Variants in SAMSN1 observed in about 807,000 individuals in gnomAD.
SAMSN1 encodes SAM domain, SH3 domain and nuclear localization signals 1.
SAMSN1 carries 31 observed loss-of-function variants against 42.0 expected under a neutral mutation model. That is an observed-to-expected ratio of 0.74 (90% CI 0.55 to 1.00). The LOEUF (loss-of-function observed/expected upper bound fraction) is 1.00, where lower values mean the gene tolerates loss of function less well. SAMSN1 is among the 50% of genes least tolerant of loss of function. The pLI, the probability that SAMSN1 is intolerant of heterozygous loss-of-function variation, is 0.00. For synonymous variants in SAMSN1, 178 were observed against 151.9 expected (o/e 1.17, Z -1.26); for missense variants, 464 against 439.4 (o/e 1.06, Z -0.50).
intron 6 of SAMSN1, among the ~76,000 whole-genome samples, chr21:14,595,359 A>G (rs1982227923): frequency 6.6e-6 from 1 of 152,116 alleles, no homozygotes; most frequent in African/African-American, 2.4e-5. Context: ...TTTGAAGCAG[A>G]CACTGAATCT....
intron 1 of SAMSN1, among the ~76,000 whole-genome samples, chr21:14,522,357 A>G: frequency 6.6e-6 from 1 of 152,218 alleles, no homozygotes. Context: ...TGGATATCTG[A>G]TGTTGGGTTC....
chr21:14,590,113 G>T (rs754165699), intron 7 of SAMSN1, among the ~76,000 whole-genome samples: 3 of 152,028 alleles, frequency 2.0e-5, no homozygotes, highest in Non-Finnish European at 2.9e-5. Flanking sequence ...ATTTTTTAAT[G>T]CTCCCATGTA....
chr21:14,632,818 C>T (rs1983366014), intron 2 of SAMSN1, among the ~76,000 whole-genome samples: 1 of 152,162 alleles, frequency 6.6e-6, no homozygotes, highest in African/African-American at 2.4e-5. Context: ...TTGTTGGCAG[C>T]ATTCAATTTC....
chr21:14,490,322 C>G (rs1305974160), intron 7 of SAMSN1, among the ~76,000 whole-genome samples: 1 of 152,128 alleles, frequency 6.6e-6, no homozygotes, highest in Non-Finnish European at 1.5e-5. Context: ...GAGAATACCT[C>G]TCAGCTCCAT....
intron 1 of SAMSN1, among the ~76,000 whole-genome samples, chr21:14,648,424 C>G (rs1983762747): frequency 6.6e-6 from 1 of 152,126 alleles, no homozygotes; most frequent in Admixed American, 6.5e-5. Flanking sequence ...CAAATGGGAT[C>G]TAATTAAACT....
At chr21:14,567,410 T>G (rs1342526610) in intron 2 of SAMSN1, among the ~76,000 whole-genome samples, 1 of 152,094 alleles carries the variant, frequency 6.6e-6, no homozygotes, top group Non-Finnish European at 1.5e-5. Flanking sequence ...TTTAAAACCA[T>G]TTTGTAAAAT....
At chr21:14,617,882 C>G (rs995903505) in intron 2 of SAMSN1, among the ~76,000 whole-genome samples, 2 of 152,170 alleles carry the variant, frequency 1.3e-5, no homozygotes, top group African/African-American at 2.4e-5. Context: ...AGATGTATTA[C>G]GCAAACATAG....
At chr21:14,502,455 A>C (rs914590272) in intron 5 of SAMSN1, among the ~76,000 whole-genome samples, 3 of 152,234 alleles carry the variant, frequency 2.0e-5, no homozygotes, top group African/African-American at 7.2e-5. Flanking sequence ...GAAAGCCCAC[A>C]GGTCATCAAG....
At chr21:14,589,458 T>C (rs1457424054) in intron 7 of SAMSN1, among the ~76,000 whole-genome samples, 2 of 152,070 alleles carry the variant, frequency 1.3e-5, no homozygotes, top group East Asian at 1.9e-4. Flanking sequence ...AGGTTAAATA[T>C]GGCTTTCCAA....
intron 1 of SAMSN1, among the ~76,000 whole-genome samples, chr21:14,537,974 T>G (rs1600910359): frequency 3.3e-5 from 5 of 152,204 alleles, no homozygotes; most frequent in Non-Finnish European, 5.9e-5. Flanking sequence ...TGAGATACAT[T>G]TTAACATGTT....
chr21:14,509,803 A>G (rs1253530237), intron 5 of SAMSN1, among the ~76,000 whole-genome samples: 1 of 152,160 alleles, frequency 6.6e-6, no homozygotes, highest in Non-Finnish European at 1.5e-5. Flanking sequence ...TAACAGCCTG[A>G]ACAGACTGAT....
intron 1 of SAMSN1, among the ~76,000 whole-genome samples, chr21:14,526,844 G>A (rs1405712244): frequency 6.6e-6 from 1 of 152,128 alleles, no homozygotes; most frequent in Non-Finnish European, 1.5e-5. Flanking sequence ...GAACATGAAT[G>A]AAAATTACAG....
intron 4 of SAMSN1, among the ~76,000 whole-genome samples, chr21:14,611,848 A>T (rs2123324423): frequency 6.6e-6 from 1 of 152,234 alleles, no homozygotes; most frequent in South Asian, 2.1e-4. Context: ...ATTGGTTTTT[A>T]AAAAAGAATG....
chr21:14,503,944 C>T (rs1456265336), intron 5 of SAMSN1, among the ~76,000 whole-genome samples: 1 of 152,116 alleles, frequency 6.6e-6, no homozygotes, highest in Non-Finnish European at 1.5e-5. Context: ...GTGCAGACAA[C>T]CCTTAGTACC....
chr21:14,611,942 A>C (rs1372229621), intron 4 of SAMSN1, among the ~76,000 whole-genome samples: 1 of 152,198 alleles, frequency 6.6e-6, no homozygotes, highest in East Asian at 1.9e-4. Context: ...TACATTAAAA[A>C]AAATTATTGA....
chr21:14,623,866 ATAGT>A (rs1388802226), intron 2 of SAMSN1, among the ~76,000 whole-genome samples: 1 of 152,198 alleles, frequency 6.6e-6, no homozygotes, highest in Non-Finnish European at 1.5e-5. Context: ...AACTGACCAC[ATAGT>A]TAGAAGTAAA....
chr21:14,589,828 T>C (rs1294776235), intron 7 of SAMSN1, among the ~76,000 whole-genome samples: 1 of 152,156 alleles, frequency 6.6e-6, no homozygotes, highest in Non-Finnish European at 1.5e-5. Context: ...TAATTTCTGA[T>C]TTGGAAAAAT....
upstream of SAMSN1, chr21:14,583,711 A>G (rs1469110452): frequency 8.4e-6 from 6 of 717,524 alleles, no homozygotes; most frequent in Admixed American, 2.0e-5. Context: ...TCTTAGTCCA[A>G]ACCAGTTTCT....
chr21:14,612,219 T>G (rs1982727914), intron 4 of SAMSN1, among the ~76,000 whole-genome samples: 1 of 152,070 alleles, frequency 6.6e-6, no homozygotes, highest in African/African-American at 2.4e-5. Context: ...GGCAACAGAG[T>G]GAGACTCCGT....
Sources: gnomAD v4.1 joint callset for allele counts (sites outside exome capture counted in the v4.1 genomes callset) on GRCh38, gnomAD v4.1.1 for gene constraint, MANE v1.5 for transcripts, NCBI Gene and HGNC (gene_info 2026-07-23, HGNC 2026-07-21) for gene names.